The following CPSF3 variants were observed in gnomAD, a reference collection of about 807,000 sequenced individuals.
The protein encoded by CPSF3 is cleavage and polyadenylation specific factor 3.
In CPSF3, 57 loss-of-function variants were observed where a neutral mutation model predicts 84.1. The observed-to-expected ratio is 0.68, with a 90% confidence interval of 0.55 to 0.85. CPSF3 has a LOEUF of 0.85. Among genes scored for constraint, CPSF3 ranks in the 40% least tolerant of loss-of-function variants. The pLI, the probability that CPSF3 is intolerant of heterozygous loss-of-function variation, is 0.00. For synonymous variants in CPSF3, 275 were observed against 278.1 expected (o/e 0.99, Z 0.11); for missense variants, 522 against 838.8 (o/e 0.62, Z 4.66).
intron 7 of CPSF3, among the ~76,000 whole-genome samples, chr2:9,436,950 G>A (rs917277365): frequency 7.9e-5 from 12 of 151,774 alleles, no homozygotes; most frequent in Non-Finnish European, 1.6e-4. Context: ...TAAATGAGAT[G>A]TACAGAAAAT....
intron 12 of CPSF3, among the ~76,000 whole-genome samples, chr2:9,454,365 G>A (rs1180979255): frequency 2.6e-5 from 4 of 151,938 alleles, no homozygotes; most frequent in East Asian, 1.9e-4. Flanking sequence ...CCGAGATCAC[G>A]CCATTGCACT....
chr2:9,439,752 G>A (rs533185375), intron 7 of CPSF3, among the ~76,000 whole-genome samples: 2 of 152,204 alleles, frequency 1.3e-5, no homozygotes, highest in African/African-American at 4.8e-5. Context: ...ACTTTGGGAA[G>A]CTGGGCAGGA....
intron 2 of CPSF3, among the ~76,000 whole-genome samples, chr2:9,429,154 G>GA (rs1312119143): frequency 1.3e-5 from 2 of 152,214 alleles, no homozygotes; most frequent in African/African-American, 4.8e-5. Context: ...CAAGCACTCT[G>GA]AACACACTGA....
rs1682001751 is a variant in CPSF3, at chr2:9,466,933, A to G, written c.1787-774A>G. ...GTTAATGGATACTTCGGTTGTTTCT[A>G]TTTTATGGGTTTTATGAATAGTGCT... On this transcript the variant is annotated intron_variant, in intron 15 of 17. Transcript: ENST00000238112. 2.0e-5 allele frequency among the ~76,000 whole-genome samples: 3 copies of G among 152,086 alleles called. No individual in the cohort carries two copies. The South Asian group carries it at 6.2e-4, about 31-fold the overall frequency.
Position 9,472,919 on chromosome 2 carries a change from G to GT in CPSF3, c.1958dup (p.Glu654ArgfsTer3). 3.7e-6 allele frequency: 6 copies of GT among 1,604,188 alleles called. No homozygotes were observed. Among genetic ancestry groups the GT allele is most frequent in the Non-Finnish European group, 5.1e-6 (6 of 1,171,172 alleles). On this transcript the variant is annotated frameshift_variant, in exon 18 of 18. Coordinates refer to ENST00000238112, the MANE Select transcript of CPSF3 (RefSeq NM_016207.4). LOFTEE classifies it high-confidence loss of function. ...CTTGTTTGTGCCTCACTTTCAGACT[G>GT]TAGAATGTGAAGAGGGAAGTGAAGA... is the stretch of plus-strand genomic sequence containing the variant.
intron 16 of CPSF3, among the ~76,000 whole-genome samples, chr2:9,470,835 T>C (rs559052279): frequency 3.9e-4 from 59 of 152,378 alleles, no homozygotes; most frequent in Admixed American, 2.2e-3. Context: ...GCCTGCTGAA[T>C]AGATCATTCT....
At chr2:9,446,759 A>T (rs1681141362) in intron 10 of CPSF3, among the ~76,000 whole-genome samples, 1 of 151,468 alleles carries the variant, frequency 6.6e-6, no homozygotes, top group African/African-American at 2.4e-5. Context: ...TGTCTCAAAA[A>T]AAAAAGAACA....
intron 12 of CPSF3, among the ~76,000 whole-genome samples, chr2:9,453,588 T>C (rs1010407183): frequency 6.6e-6 from 1 of 152,136 alleles, no homozygotes; most frequent in African/African-American, 2.4e-5. Context: ...TTGAAGCTCA[T>C]TATAGAGAAA....
intron 11 of CPSF3, among the ~76,000 whole-genome samples, chr2:9,449,251 G>A (rs1681233274): frequency 6.6e-6 from 1 of 152,056 alleles, no homozygotes; most frequent in Non-Finnish European, 1.5e-5. Context: ...TTAGCTGGGT[G>A]TGGTCGCAGG....
chr2:9,441,251 C>T (rs1451589805), intron 8 of CPSF3, among the ~76,000 whole-genome samples: 2 of 152,126 alleles, frequency 1.3e-5, no homozygotes, highest in African/African-American at 2.4e-5. Flanking sequence ...TAACTCGATG[C>T]TTGAATCATA....
Position 9,455,695 on chromosome 2 carries a change from C to T in CPSF3, c.1541C>T (p.Thr514Ile), listed in dbSNP as rs753278455. 1.2e-6 allele frequency: 2 copies of T among 1,614,152 alleles called. No individual in the cohort carries two copies. The highest frequency in any genetic ancestry group is 4.5e-5 in the East Asian group (2 of 44,888). ...CTGGCCATGAGCACGGTGAAGCAGA[C>T]CCAAGCCATTCCATATACTGGTCCC... Reference protein sequence around the residue: ...TDLAMSTVKQTQAIPYTGPFN... With the variant: ...TDLAMSTVKQIQAIPYTGPFN... Residue 514 changes from threonine to isoleucine, a missense_variant, in exon 13 of 18, where the codon ACC becomes ATC. Physicochemically the swap from Thr to Ile is moderately conservative, Grantham distance 89 (BLOSUM62 -1). Around this residue, in one of 2 missense-constraint regions of CPSF3, gnomAD observed 193 missense variants for 231.6 expected, o/e 0.83. Transcript: ENST00000238112.
chr2:9,457,145 A>G (rs1681560435), intron 14 of CPSF3, 118 bp downstream of exon 14: 3 of 475,150 alleles, frequency 6.3e-6, no homozygotes, highest in Non-Finnish European at 1.1e-5. Context: ...GTTGGAAAGT[A>G]TATGTGTGTG....
At chr2:9,466,350 G>A (rs1313852991) in intron 15 of CPSF3, among the ~76,000 whole-genome samples, 39 of 108,182 alleles carry the variant, frequency 3.6e-4, no homozygotes, top group African/African-American at 1.2e-3. Flanking sequence ...ACGCGCGCGC[G>A]CGCACACACA....
At chr2:9,462,476 A>G (rs1681762598) in intron 15 of CPSF3, among the ~76,000 whole-genome samples, 2 of 152,198 alleles carry the variant, frequency 1.3e-5, no homozygotes, top group South Asian at 2.1e-4. Context: ...CCTGTTTTCC[A>G]TGTGGCAGAG....
Position 9,466,200 on chromosome 2 carries a change from ACACACACGCG to A in CPSF3, c.1787-1497_1787-1488del, listed in dbSNP as rs1023309466. 5.8e-4 allele frequency among the ~76,000 whole-genome samples: 88 copies of A among 150,532 alleles called. No homozygotes were observed. In the East Asian group the frequency reaches 0.013, roughly 23 times the overall value. On this transcript the variant is annotated intron_variant, in intron 15 of 17. Coordinates refer to ENST00000238112, the MANE Select transcript of CPSF3 (RefSeq NM_016207.4). ...TACACGCACACACACACGCGCTCAC[ACACACACGCG>A]CACACACGCACGCACACACACACGT...
Position 9,459,531 on chromosome 2 carries a change from T to A in CPSF3, c.1699T>A (p.Trp567Arg). Reference sequence around the variant, plus strand: ...CCTAATTCTGCCTTTTGCTTTCCAGTGGCTGGCAAACCCTTCTAATGATAT... The same window carrying A: ...CCTAATTCTGCCTTTTGCTTTCCAGAGGCTGGCAAACCCTTCTAATGATAT... ...IQEPGMVVLEWLANPSNDMYA... is the reference protein window; with the variant it reads ...IQEPGMVVLERLANPSNDMYA... Residue 567 changes from tryptophan to arginine, a missense_variant and splice_region_variant, in exon 15 of 18, where the codon TGG becomes AGG. Physicochemically the swap from Trp to Arg is moderately radical, Grantham distance 101 (BLOSUM62 -3). This residue lies in a region of CPSF3 where 193 missense variants were observed against 231.6 expected (regional missense o/e 0.83). Coordinates refer to ENST00000238112, the MANE Select transcript of CPSF3 (RefSeq NM_016207.4). 1 of 1,606,788 alleles carries A rather than the reference T, an allele frequency of 6.2e-7. No homozygotes were observed. The highest frequency in any genetic ancestry group is 8.5e-7 in the Non-Finnish European group (1 of 1,175,084).
chr2:9,463,051 G>A (rs1207083172), intron 15 of CPSF3, among the ~76,000 whole-genome samples: 2 of 152,228 alleles, frequency 1.3e-5, no homozygotes, highest in Admixed American at 6.5e-5. Context: ...ATGCCTCAAA[G>A]TGCTTAGGAA....
intron 11 of CPSF3, among the ~76,000 whole-genome samples, chr2:9,448,700 G>T (rs576608040): frequency 2.0e-5 from 3 of 152,138 alleles, no homozygotes; most frequent in East Asian, 3.9e-4. Context: ...GGGATTACAG[G>T]TGCGCGCCAC....
chr2:9,426,434 A>G (rs544282980), intron 1 of CPSF3, among the ~76,000 whole-genome samples: 3 of 152,336 alleles, frequency 2.0e-5, no homozygotes, highest in African/African-American at 7.2e-5. Context: ...GGCATCTTGA[A>G]TATGAAGTCC....
Sources: allele counts gnomAD v4.1 joint callset (sites outside exome capture counted in the v4.1 genomes callset), GRCh38; gene constraint gnomAD v4.1.1; regional missense constraint gnomAD v4.1.1; transcripts MANE v1.5; gene names NCBI Gene and HGNC (gene_info 2026-07-23, HGNC 2026-07-21).